The following PCDHGA4 variants were observed in gnomAD, a reference collection of about 807,000 sequenced individuals.
PCDHGA4 encodes the protein protocadherin gamma-A4.
In PCDHGA4, 38 loss-of-function variants were observed where a neutral mutation model predicts 54.6. The observed-to-expected ratio is 0.70, with a 90% CI of 0.54 to 0.91. PCDHGA4 has a LOEUF of 0.91. PCDHGA4 is among the 40% of genes least tolerant of loss of function. The pLI is 0.00. For synonymous variants in PCDHGA4, 511 were observed against 512.9 expected (o/e 1.00, Z 0.05); for missense variants, 1,298 against 1,220.9 (o/e 1.06, Z -0.94).
intron 1 of PCDHGA4, chr5:141,422,984 G>A (rs752694873): frequency 4.5e-5 from 73 of 1,614,112 alleles, no homozygotes; most frequent in Non-Finnish European, 5.9e-5. Flanking sequence ...GCGGAACCTG[G>A]CTACCTGGTG....
At chr5:141,451,170 A>G (rs960062747) in intron 1 of PCDHGA4, among the ~76,000 whole-genome samples, 8 of 152,148 alleles carry the variant, frequency 5.3e-5, no homozygotes, top group East Asian at 3.9e-4. Flanking sequence ...GTAGTATATT[A>G]TTTAGCCATT....
chr5:141,426,394 A>G (rs1353766048), intron 1 of PCDHGA4: 1 of 258,122 alleles, frequency 3.9e-6, no homozygotes, highest in African/African-American at 2.2e-5. Flanking sequence ...CCGCTACTCT[A>G]TTCCAGAAGA....
chr5:141,478,221 C>A, intron 1 of PCDHGA4: 1 of 1,614,122 alleles, frequency 6.2e-7, no homozygotes, highest in Non-Finnish European at 8.5e-7. Context: ...ATCCTGGTTT[C>A]TGTGGGGTTT....
chr5:141,418,906 C>T, intron 1 of PCDHGA4: 1 of 1,613,908 alleles, frequency 6.2e-7, no homozygotes, highest in Non-Finnish European at 8.5e-7. Flanking sequence ...AAATAATCAT[C>T]ACGTCACTCT....
rs1242368458 is a variant in PCDHGA4, at chr5:141,356,236, G to A, written c.1129G>A (p.Glu377Lys). The change falls in exon 1 of 4, where the codon GAA becomes AAA. Residue 377 changes from glutamate to lysine, a missense_variant. Coordinates refer to ENST00000571252, the MANE Select transcript of PCDHGA4 (RefSeq NM_018917.4). ...TVLDENDNAP[E>K]VTVTSLTSSV... Reference sequence around the variant, plus strand: ...TCTGGATGAAAATGACAACGCACCAGAAGTCACAGTTACATCTCTCACCAG... The same window carrying A: ...TCTGGATGAAAATGACAACGCACCAAAAGTCACAGTTACATCTCTCACCAG... The A allele has an allele frequency of 1.3e-6, 2 of 1,587,552 alleles. No homozygotes were observed. Among genetic ancestry groups the A allele is most frequent in the Non-Finnish European group, 1.7e-6 (2 of 1,166,246 alleles).
intron 1 of PCDHGA4, among the ~76,000 whole-genome samples, chr5:141,405,769 C>T (rs1363688527): frequency 2.6e-5 from 4 of 152,080 alleles, no homozygotes; most frequent in Non-Finnish European, 2.9e-5. Context: ...TGAGCCACTG[C>T]GCCTGGCCCT....
Position 141,415,576 on chromosome 5 carries a change from T to C in PCDHGA4, c.2514+57955T>C, listed in dbSNP as rs182127695. 9.5e-5 allele frequency: 153 copies of C among 1,614,182 alleles called. No individual in the cohort carries two copies. The Admixed American group carries it at 1.6e-3, about 17-fold the overall frequency. Reference sequence around the variant, plus strand: ...CGATCCTTTGTCTTTGTTAGATGATTCGAAGTTTCCTATAGAGGATACCCC... The same window carrying C: ...CGATCCTTTGTCTTTGTTAGATGATCCGAAGTTTCCTATAGAGGATACCCC... On this transcript the variant is annotated intron_variant, in intron 1 of 3. Transcript: ENST00000571252.
chr5:141,357,505 A>G lies in PCDHGA4; in HGVS notation c.2398A>G (p.Ile800Val). The change falls in exon 1 of 4, where the codon ATC (isoleucine) becomes GTC (valine). Residue 800 changes from isoleucine to valine, a missense_variant. Ile to Val is a conservative substitution (Grantham distance 29). Transcript: ENST00000571252. ...LTADSRKSHL[I>V]FSQPSYADTL... The stretch of plus-strand genomic sequence containing the variant: ...CGCGGACTCGCGGAAGAGTCACCTG[A>G]TCTTCTCCCAACCCAGCTATGCAGA... 6.2e-7 allele frequency: 1 copy of G among 1,614,212 alleles called. No homozygotes were observed.
chr5:141,373,925 G>A, intron 1 of PCDHGA4: 1 of 660,678 alleles, frequency 1.5e-6, no homozygotes, highest in Non-Finnish European at 2.3e-6. Context: ...CAAATTAGAC[G>A]GGAAAGCAGG....
At chr5:141,467,337 G>A (rs1018807977) in intron 1 of PCDHGA4, among the ~76,000 whole-genome samples, 1 of 152,162 alleles carries the variant, frequency 6.6e-6, no homozygotes, top group Admixed American at 6.6e-5. Flanking sequence ...AGAGACGTAA[G>A]CCACTGCCCC....
intron 1 of PCDHGA4, chr5:141,427,612 T>G (rs975527074): frequency 2.9e-6 from 2 of 691,298 alleles, no homozygotes; most frequent in African/African-American, 1.8e-5. Flanking sequence ...ATTGGTGAAG[T>G]CAACGACAAT....
At chr5:141,380,859 A>G (rs1428223236) in intron 1 of PCDHGA4, among the ~76,000 whole-genome samples, 1 of 152,262 alleles carries the variant, frequency 6.6e-6, no homozygotes, top group Non-Finnish European at 1.5e-5. Context: ...AGACATTGAG[A>G]GCTATAACCT....
At chr5:141,510,124 A>G (rs2099879540) in intron 3 of PCDHGA4, among the ~76,000 whole-genome samples, 1 of 152,156 alleles carries the variant, frequency 6.6e-6, no homozygotes, top group Admixed American at 6.5e-5. Context: ...AAATACAAAA[A>G]TTAGCTGGGC....
At chr5:141,361,319 A>T in intron 1 of PCDHGA4, 1 of 1,613,956 alleles carries the variant, frequency 6.2e-7, no homozygotes, top group Non-Finnish European at 8.5e-7. Flanking sequence ...TTTATTTTGA[A>T]ATCTTCCTCA....
chr5:141,393,527 T>C, intron 1 of PCDHGA4: 2 of 1,613,990 alleles, frequency 1.2e-6, no homozygotes, highest in South Asian at 1.1e-5. Context: ...CAAATGACAA[T>C]GCCCCGGTTT....
At chr5:141,480,240 C>CA (rs11374694) in intron 1 of PCDHGA4, among the ~76,000 whole-genome samples, 21,591 of 113,808 alleles carry the variant, frequency 0.19, 1,578 homozygotes, top group Admixed American at 0.21. Context: ...CCTGTCTCTA[C>CA]AAAAAAAAAA....
intron 1 of PCDHGA4, chr5:141,375,805 C>T: frequency 6.2e-7 from 1 of 1,614,214 alleles, no homozygotes; most frequent in South Asian, 1.1e-5. Flanking sequence ...GTTCCACTGG[C>T]GTGGAGCTGG....
In PCDHGA4 at chr5:141,355,489, G is replaced by A. The variant is rs1484818134; in HGVS notation, c.382G>A (p.Asp128Asn). ...AGRIDREELCDRSPNCVTNLE... is the reference protein window; with the variant it reads ...AGRIDREELCNRSPNCVTNLE... ...TAGGATAGACAGGGAGGAGCTCTGC[G>A]ACAGATCTCCAAACTGTGTGACAAA... The change falls in exon 1 of 4, where the codon GAC becomes AAC. Residue 128 changes from aspartate (D) to asparagine (N), a missense_variant. Asp to Asn is a conservative substitution (Grantham distance 23). Transcript: ENST00000571252. The A allele has an allele frequency of 1.2e-6, 2 of 1,614,062 alleles. No individual in the cohort carries two copies. Among genetic ancestry groups the A allele is most frequent in the Non-Finnish European group, 1.7e-6 (2 of 1,179,908 alleles).
At chr5:141,382,770 C>T in intron 1 of PCDHGA4, 7 of 734,404 alleles carry the variant, frequency 9.5e-6, no homozygotes, top group Non-Finnish European at 1.5e-5. Context: ...TTCCAGGCTG[C>T]ACTAAACTCA....
Sources: allele counts gnomAD v4.1 joint callset (sites outside exome capture counted in the v4.1 genomes callset), GRCh38; gene constraint gnomAD v4.1.1; transcripts MANE v1.5; gene names NCBI Gene and HGNC (gene_info 2026-07-23, HGNC 2026-07-21).